Variants in ACAP2 observed in about 807,000 individuals in gnomAD.
ACAP2 encodes the protein arf-GAP with coiled-coil, ANK repeat and PH domain-containing protein 2.
ACAP2 carries 39 observed loss-of-function variants against 115.8 expected under a neutral mutation model. The ratio of observed to expected loss-of-function variants is 0.34; its 90% confidence interval spans 0.26 to 0.44. The LOEUF is 0.44. Among genes scored for constraint, ACAP2 ranks in the 20% least tolerant of loss-of-function variants. ACAP2 has a pLI of 1.00. For missense variants in ACAP2, 662 were observed against 927.6 expected (o/e 0.71, Z 3.72); for synonymous variants, 289 against 315.8 (o/e 0.92, Z 0.90).
intron 1 of ACAP2, among the ~76,000 whole-genome samples, chr3:195,415,582 T>C (rs1713653654): frequency 6.6e-6 from 1 of 152,042 alleles, no homozygotes; most frequent in African/African-American, 2.4e-5. Flanking sequence ...GCCAAGTCCA[T>C]TTTTTAAAAA....
chr3:195,415,522 G>T (rs823313), intron 1 of ACAP2, among the ~76,000 whole-genome samples: 25,802 of 151,858 alleles, frequency 0.17, 2,423 homozygotes, highest in Admixed American at 0.28. Context: ...TGATTTGCTG[G>T]CCTCGGCCTC....
chr3:195,359,563 G>A (rs1732211874), intron 4 of ACAP2, among the ~76,000 whole-genome samples: 1 of 152,184 alleles, frequency 6.6e-6, no homozygotes. Context: ...TGCCTCCGGG[G>A]TTCACGCCAT....
chr3:195,317,678 T>A (rs968080181), intron 10 of ACAP2, among the ~76,000 whole-genome samples: 2 of 152,218 alleles, frequency 1.3e-5, no homozygotes, highest in African/African-American at 4.8e-5. Flanking sequence ...TTAACAGATT[T>A]ATATTTTATA....
At chr3:195,374,533 G>A (rs1241866011) in intron 4 of ACAP2, among the ~76,000 whole-genome samples, 1 of 152,224 alleles carries the variant, frequency 6.6e-6, no homozygotes, top group African/African-American at 2.4e-5. Context: ...CTAATTACAT[G>A]TGAGAGAGGA....
intron 13 of ACAP2, among the ~76,000 whole-genome samples, chr3:195,304,229 TAAGA>T (rs1040295113): frequency 5.4e-5 from 8 of 146,836 alleles, no homozygotes; most frequent in Non-Finnish European, 1.2e-4. Context: ...TCCGAAATTT[TAAGA>T]AAGAAATATT....
intron 1 of ACAP2, among the ~76,000 whole-genome samples, chr3:195,431,356 G>C (rs1474809582): frequency 6.6e-6 from 1 of 152,066 alleles, no homozygotes; most frequent in Admixed American, 6.6e-5. Flanking sequence ...AAAGTTTTGT[G>C]GGTATATATC....
At chr3:195,441,084 A>G (rs934144889) in intron 1 of ACAP2, among the ~76,000 whole-genome samples, 1 of 152,050 alleles carries the variant, frequency 6.6e-6, no homozygotes, top group African/African-American at 2.4e-5. Context: ...ATGGTTTGTG[A>G]CCAACCCCAG....
At chr3:195,294,086 C>T (rs373300415) in intron 18 of ACAP2, among the ~76,000 whole-genome samples, 1 of 151,562 alleles carries the variant, frequency 6.6e-6, no homozygotes, top group Admixed American at 6.6e-5. Context: ...TTGCAGTAAG[C>T]GAAGATCGCA....
chr3:195,299,067 T>C (rs1727848678), intron 15 of ACAP2, among the ~76,000 whole-genome samples: 1 of 152,238 alleles, frequency 6.6e-6, no homozygotes. Flanking sequence ...ACAGCATATT[T>C]TTCATTTTTA....
chr3:195,379,809 A>C (rs1733827800), intron 4 of ACAP2, among the ~76,000 whole-genome samples: 2 of 152,174 alleles, frequency 1.3e-5, no homozygotes, highest in Non-Finnish European at 1.5e-5. Flanking sequence ...ATCTCTAAAT[A>C]AATAAAGGAC....
At chr3:195,442,373 A>C in intron 1 of ACAP2, 1 of 223,780 alleles carries the variant, frequency 4.5e-6, no homozygotes, top group East Asian at 1.1e-4. Flanking sequence ...AAGCTCCCTC[A>C]AAGAGGGGGT....
At position 195,291,825 on chromosome 3, in the gene ACAP2, A is replaced by G; in HGVS notation, c.1954-10T>C. On this transcript the variant is annotated splice_polypyrimidine_tract_variant and intron_variant, in intron 19 of 22. Coordinates refer to ENST00000326793, the MANE Select transcript of ACAP2 (RefSeq NM_012287.6). ...ACGTCACCAAAGAGCCCTTAAAGGA[A>G]AAAAGAGGATAACTATAGACAAAAG... 3.1e-6 allele frequency: 5 copies of G among 1,600,910 alleles called. No individual in the cohort carries two copies. The highest frequency in any genetic ancestry group is 4.3e-6 in the Non-Finnish European group (5 of 1,174,066).
At chr3:195,305,130 T>C (rs1728338759) in intron 13 of ACAP2, among the ~76,000 whole-genome samples, 1 of 152,186 alleles carries the variant, frequency 6.6e-6, no homozygotes, top group Admixed American at 6.5e-5. Flanking sequence ...TGTAAACATT[T>C]AGTGAACAAA....
At chr3:195,335,861 A>G (rs1315456326) in intron 7 of ACAP2, 1 of 150,224 alleles carries the variant, frequency 6.7e-6, no homozygotes, top group African/African-American at 2.5e-5. Flanking sequence ...GTGCTATGCC[A>G]TACCACATCA....
At chr3:195,312,468 A>G (rs1728832855) in intron 10 of ACAP2, among the ~76,000 whole-genome samples, 1 of 152,088 alleles carries the variant, frequency 6.6e-6, no homozygotes, top group South Asian at 2.1e-4. Context: ...GTTTAGACAT[A>G]TATGTAATTT....
intron 1 of ACAP2, among the ~76,000 whole-genome samples, chr3:195,420,578 C>T (rs145176601): frequency 0.026 from 3,906 of 151,960 alleles, 147 homozygotes; most frequent in African/African-American, 0.085. Context: ...CTCCTGACCT[C>T]GTGATTCACC....
chr3:195,359,785 T>C (rs758175833), intron 4 of ACAP2, among the ~76,000 whole-genome samples: 8 of 152,210 alleles, frequency 5.3e-5, no homozygotes, highest in Non-Finnish European at 1.0e-4. Context: ...TGTGTTTTTA[T>C]TAGTTTTCTT....
chr3:195,306,632 A>G lies in ACAP2; in HGVS notation c.1011-16T>C, dbSNP rs1431823648. The G allele has an allele frequency of 1.1e-5, 17 of 1,596,002 alleles. No homozygotes were observed. The highest frequency in any genetic ancestry group is 1.4e-5 in the Non-Finnish European group (16 of 1,166,978). On this transcript the variant is annotated splice_polypyrimidine_tract_variant and intron_variant, in intron 12 of 22. Transcript: ENST00000326793. The stretch of plus-strand genomic sequence containing the variant: ...CATGCAACTTCTAAAAGGAAATAAC[A>G]TATTGTTTTCTCAGACACTAAGTTA...
intron 4 of ACAP2, among the ~76,000 whole-genome samples, chr3:195,347,514 A>G (rs544303438): frequency 3.9e-5 from 6 of 152,224 alleles, no homozygotes; most frequent in Non-Finnish European, 7.3e-5. Context: ...TACTTTATGG[A>G]AGAAAATCAG....
Sources: gnomAD v4.1 joint callset for allele counts (sites outside exome capture counted in the v4.1 genomes callset) on GRCh38, gnomAD v4.1.1 for gene constraint, MANE v1.5 for transcripts, NCBI Gene and HGNC (gene_info 2026-07-23, HGNC 2026-07-21) for gene names.